Variants in LINGO2 observed in about 807,000 individuals in gnomAD.
The protein encoded by LINGO2 is leucine rich repeat and Ig domain containing 2, also known as leucine-rich repeat and immunoglobulin-like domain-containing nogo receptor-interacting protein 2.
In LINGO2, 14 loss-of-function variants were observed where a neutral mutation model predicts 30.6. That is an observed-to-expected ratio of 0.46 (90% CI 0.30 to 0.72). The LOEUF (loss-of-function observed/expected upper bound fraction) is 0.72, where lower values mean the gene tolerates loss of function less well. Ranked by LOEUF, LINGO2 falls within the 30% of genes least tolerant of loss-of-function variation. LINGO2 has a pLI of 0.07. For synonymous variants in LINGO2, 317 were observed against 288.5 expected, an observed-to-expected ratio of 1.10 and a Z score of -1.00; for missense variants, 729 against 751.7, an observed-to-expected ratio of 0.97 and a Z score of 0.35.
the LINGO2 span, among the ~76,000 whole-genome samples, chr9:28,844,497 G>A: frequency 2.0e-5 from 3 of 151,966 alleles, no homozygotes; most frequent in East Asian, 3.9e-4. Flanking sequence ...TATATTCTAA[G>A]TATAACAAAA....
At chr9:28,541,526 G>T (rs1000049125) in intron 1 of LINGO2, among the ~76,000 whole-genome samples, 1 of 152,132 alleles carries the variant, frequency 6.6e-6, no homozygotes, top group African/African-American at 2.4e-5. Flanking sequence ...TCCAGATGAG[G>T]AAGAAAACTT....
At chr9:28,024,196 A>C (rs72724928) in intron 4 of LINGO2, among the ~76,000 whole-genome samples, 5,097 of 152,274 alleles carry the variant, frequency 0.033, 110 homozygotes, top group Middle Eastern at 0.068. Context: ...GATACCTTTA[A>C]GCAAATCAGC....
At chr9:28,356,232 T>TA (rs575384673) in intron 3 of LINGO2, among the ~76,000 whole-genome samples, 5 of 152,016 alleles carry the variant, frequency 3.3e-5, no homozygotes, top group African/African-American at 4.8e-5. Flanking sequence ...GAGATTTTTT[T>TA]AAAAAAAATC....
intron 1 of LINGO2, among the ~76,000 whole-genome samples, chr9:28,548,518 A>G (rs1822073224): frequency 6.6e-6 from 1 of 151,872 alleles, no homozygotes; most frequent in Admixed American, 6.6e-5. Flanking sequence ...ATCCTGGCCA[A>G]CATGGTGAAA....
At chr9:28,250,925 C>A (rs1822174675) in intron 4 of LINGO2, among the ~76,000 whole-genome samples, 1 of 152,006 alleles carries the variant, frequency 6.6e-6, no homozygotes, top group South Asian at 2.1e-4. Context: ...AATCCTCCCA[C>A]CCCAGCAGTC....
the LINGO2 span, among the ~76,000 whole-genome samples, chr9:28,858,455 C>A: frequency 2.6e-5 from 4 of 152,078 alleles, no homozygotes; most frequent in African/African-American, 7.2e-5. Context: ...ATTATAACCA[C>A]TATATTTTCA....
At chr9:28,044,587 ATTT>A (rs201616245) in intron 4 of LINGO2, among the ~76,000 whole-genome samples, 13 of 151,546 alleles carry the variant, frequency 8.6e-5, no homozygotes, top group African/African-American at 3.1e-4. Context: ...GTTTGGTTTG[ATTT>A]TTTTTTAGGT....
At chr9:28,938,584 A>G in the LINGO2 span, among the ~76,000 whole-genome samples, 1 of 152,192 alleles carries the variant, frequency 6.6e-6, no homozygotes, top group Admixed American at 6.5e-5. Flanking sequence ...ACTTGGCACA[A>G]TGCATTATCT....
chr9:28,517,321 T>C (rs1213297203), intron 1 of LINGO2, among the ~76,000 whole-genome samples: 1 of 152,240 alleles, frequency 6.6e-6, no homozygotes, highest in Non-Finnish European at 1.5e-5. Flanking sequence ...AGTTGTGAGA[T>C]TCCTCTTTTC....
At chr9:28,334,297 A>G (rs1221945466) in intron 3 of LINGO2, among the ~76,000 whole-genome samples, 2 of 152,178 alleles carry the variant, frequency 1.3e-5, no homozygotes, top group Non-Finnish European at 2.9e-5. Flanking sequence ...CTGTATTTAT[A>G]TTTCTTCTGA....
the LINGO2 span, among the ~76,000 whole-genome samples, chr9:28,722,078 T>C: frequency 6.6e-6 from 1 of 152,090 alleles, no homozygotes; most frequent in Non-Finnish European, 1.5e-5. Context: ...TTCTGCATAA[T>C]AGGAGGGTAC....
chr9:28,688,956 TCTGCTG>T, the LINGO2 span, among the ~76,000 whole-genome samples: 1 of 152,196 alleles, frequency 6.6e-6, no homozygotes, highest in Non-Finnish European at 1.5e-5. Flanking sequence ...CCGATCCTCA[TCTGCTG>T]CTGTTCATGA....
chr9:28,122,636 C>T (rs540059981), intron 4 of LINGO2, among the ~76,000 whole-genome samples: 3 of 152,280 alleles, frequency 2.0e-5, no homozygotes, highest in African/African-American at 4.8e-5. Context: ...ACAATCGTTC[C>T]TCCTCCTGGA....
chr9:28,571,370 T>G (rs573992774), intron 1 of LINGO2, among the ~76,000 whole-genome samples: 4 of 152,068 alleles, frequency 2.6e-5, no homozygotes, highest in Non-Finnish European at 4.4e-5. Flanking sequence ...TGGTATTCCA[T>G]ATGCAGGGTT....
At chr9:29,208,385 C>T in the LINGO2 span, among the ~76,000 whole-genome samples, 1 of 152,006 alleles carries the variant, frequency 6.6e-6, no homozygotes, top group African/African-American at 2.4e-5. Flanking sequence ...ACTTTTATGG[C>T]CCATACAATA....
the LINGO2 span, among the ~76,000 whole-genome samples, chr9:29,043,993 A>G: frequency 6.6e-6 from 1 of 152,080 alleles, no homozygotes; most frequent in Non-Finnish European, 1.5e-5. Flanking sequence ...TGCCAATGAA[A>G]GAACAATGAT....
At chr9:28,828,596 C>T in the LINGO2 span, among the ~76,000 whole-genome samples, 2 of 151,604 alleles carry the variant, frequency 1.3e-5, no homozygotes, top group Non-Finnish European at 2.9e-5. Context: ...GTGGTAGAGG[C>T]AACCTTTTTT....
the LINGO2 span, among the ~76,000 whole-genome samples, chr9:28,731,596 T>G: frequency 6.6e-6 from 1 of 152,038 alleles, no homozygotes; most frequent in African/African-American, 2.4e-5. Context: ...TTGGGAACAT[T>G]TGAGGGACAC....
At chr9:28,055,760 A>G (rs1294834944) in intron 4 of LINGO2, among the ~76,000 whole-genome samples, 2 of 152,176 alleles carry the variant, frequency 1.3e-5, no homozygotes, top group Non-Finnish European at 2.9e-5. Context: ...TTGGAAGTTT[A>G]AGTAGTTCAA....
Sources: gnomAD v4.1 joint callset for allele counts (sites outside exome capture counted in the v4.1 genomes callset) on GRCh38, gnomAD v4.1.1 for gene constraint, MANE v1.5 for transcripts, NCBI Gene and HGNC (gene_info 2026-07-23, HGNC 2026-07-21) for gene names.